PAX7: variants seen among roughly 807,000 people sequenced by gnomAD.
PAX7 encodes paired box protein Pax-7.
PAX7 carries 18 observed loss-of-function variants against 50.7 expected under a neutral mutation model. That is an observed-to-expected ratio of 0.36 (90% confidence interval 0.25 to 0.53). PAX7 has a LOEUF of 0.53. Ranked by LOEUF, PAX7 falls within the 20% of genes least tolerant of loss-of-function variation. The pLI is 0.93. For synonymous variants in PAX7, 310 were observed against 290.4 expected, an observed-to-expected ratio of 1.07 and a Z score of -0.69; for missense variants, 644 against 702.9, an observed-to-expected ratio of 0.92 and a Z score of 0.95.
intron 4 of PAX7, among the ~76,000 whole-genome samples, chr1:18,655,448 G>T (rs2088499186): frequency 6.6e-6 from 1 of 152,172 alleles, no homozygotes; most frequent in Admixed American, 6.5e-5. Flanking sequence ...TGGCAGGGAG[G>T]GGGCTGCAGG....
rs149079932 is a variant in PAX7 at position 18,634,627 on chromosome 1, G to A, written c.321+89G>A. Reference sequence around the variant, plus strand: ...CCCCTCTTACTACCTCGTGGCACCAGGCTGTAGGAAAGTACAGCTGGAGGG... The same window carrying A: ...CCCCTCTTACTACCTCGTGGCACCAAGCTGTAGGAAAGTACAGCTGGAGGG... On this transcript the variant is annotated intron_variant, in intron 2 of 8. Transcript: ENST00000420770. The surrounding 1 kb of genome is among the most constrained non-coding windows in gnomAD (Gnocchi z 4.0). The A allele has an allele frequency of 1.9e-6, 2 of 1,047,654 alleles. No homozygotes were observed. The highest frequency in any genetic ancestry group is 1.6e-5 in the African/African-American group (1 of 64,118). The allele number at this position is 1,047,654 out of a possible 1,614,324, so 64.9% of individuals were successfully genotyped here. A position where few individuals can be genotyped will look rare whatever the true frequency, so the allele number is the denominator to read the frequency against.
rs148115392 is a variant in PAX7, at chr1:18,748,134, G to C, written c.*3205G>C. 4.1e-5 allele frequency: 9 copies of C among 219,132 alleles called. No individual in the cohort carries two copies. Among genetic ancestry groups the C allele is most frequent in the African/African-American group, 2.0e-4 (9 of 44,724 alleles). The allele number at this position is 219,132 out of a possible 1,614,324, so 13.6% of individuals were successfully genotyped here. ...AGGGGGATAAGAGAGAAGAAAAGAA[G>C]AATGGAGAGAGAGGTTTGCCCAGAA... On this transcript the variant is annotated 3_prime_UTR_variant, in exon 9 of 9. Transcript: ENST00000420770.
intron 8 of PAX7, among the ~76,000 whole-genome samples, chr1:18,742,840 T>A (rs553629444): frequency 6.6e-6 from 1 of 152,356 alleles, no homozygotes; most frequent in Admixed American, 6.5e-5. Flanking sequence ...GCCAAGCCCC[T>A]TCATGCTCTG....
At chr1:18,643,968 T>C (rs2088300428) in intron 4 of PAX7, among the ~76,000 whole-genome samples, 1 of 152,206 alleles carries the variant, frequency 6.6e-6, no homozygotes, top group Admixed American at 6.5e-5. Flanking sequence ...ATTCAGAGCG[T>C]TGCTAAATTA....
At chr1:18,659,121 G>A (rs558351254) in intron 4 of PAX7, among the ~76,000 whole-genome samples, 3 of 152,342 alleles carry the variant, frequency 2.0e-5, no homozygotes, top group South Asian at 4.1e-4. Flanking sequence ...GTGTGTCTGT[G>A]TGTGTACTGC....
intron 7 of PAX7, among the ~76,000 whole-genome samples, chr1:18,716,847 C>G (rs1315125512): frequency 2.0e-5 from 2 of 100,402 alleles, no homozygotes; most frequent in Admixed American, 9.9e-5. Flanking sequence ...TGCGCGCCCC[C>G]CTTGCCCTTG....
At chr1:18,742,610 G>A (rs1218133949) in intron 8 of PAX7, among the ~76,000 whole-genome samples, 1 of 152,176 alleles carries the variant, frequency 6.6e-6, no homozygotes, top group Non-Finnish European at 1.5e-5. Context: ...CCAAGGCAGG[G>A]CCAGGCTGAC....
intron 7 of PAX7, among the ~76,000 whole-genome samples, chr1:18,707,733 G>T (rs1283811671): frequency 1.3e-5 from 2 of 152,128 alleles, no homozygotes; most frequent in African/African-American, 4.8e-5. Flanking sequence ...CCTAGAGCCT[G>T]AATCTTAGTT....
At chr1:18,741,343 G>C (rs1357401312) in intron 8 of PAX7, among the ~76,000 whole-genome samples, 1 of 152,046 alleles carries the variant, frequency 6.6e-6, no homozygotes, top group Non-Finnish European at 1.5e-5. Context: ...CCAGCTACTT[G>C]GGAGACTGAG....
chr1:18,734,150 C>T (rs898132681), intron 7 of PAX7, among the ~76,000 whole-genome samples: 1 of 152,178 alleles, frequency 6.6e-6, no homozygotes, highest in Non-Finnish European at 1.5e-5. Flanking sequence ...GGTGTCTAGT[C>T]GGCAAAACGA....
At chr1:18,683,269 T>C (rs1419984114) in intron 4 of PAX7, among the ~76,000 whole-genome samples, 1 of 152,210 alleles carries the variant, frequency 6.6e-6, no homozygotes, top group East Asian at 1.9e-4. Context: ...GCAATGAGAA[T>C]GCAGCTATGG....
intron 4 of PAX7, among the ~76,000 whole-genome samples, chr1:18,689,383 T>TG (rs1456476238): frequency 6.6e-6 from 1 of 151,870 alleles, no homozygotes. Flanking sequence ...CCACAGTGAC[T>TG]GGGGGGCTGG....
chr1:18,691,353 C>T lies in PAX7; in HGVS notation c.587-401C>T, dbSNP rs192363314. On this transcript the variant is annotated intron_variant, in intron 4 of 8. Transcript: ENST00000420770. ...AATTCTGTCCTTTTAACTGAGAATA[C>T]AGCTCTACGGATTTTGTCAAGTGTA... 2.4e-3 allele frequency among the ~76,000 whole-genome samples: 365 copies of T among 152,268 alleles called. 3 individuals carry two copies. In the South Asian group the frequency reaches 0.03, roughly 12 times the overall value.
chr1:18,718,626 G>A (rs1167457326), intron 7 of PAX7, among the ~76,000 whole-genome samples: 2 of 150,944 alleles, frequency 1.3e-5, no homozygotes, highest in African/African-American at 4.9e-5. Flanking sequence ...CACCCCAATG[G>A]TATCCACGCC....
chr1:18,685,090 C>G (rs1040055407), intron 4 of PAX7, among the ~76,000 whole-genome samples: 3 of 152,160 alleles, frequency 2.0e-5, no homozygotes, highest in African/African-American at 4.8e-5. Context: ...TTTTCCATCA[C>G]CCGGGAACTT....
At chr1:18,715,966 T>C (rs1480788379) in intron 7 of PAX7, among the ~76,000 whole-genome samples, 1 of 152,062 alleles carries the variant, frequency 6.6e-6, no homozygotes, top group Non-Finnish European at 1.5e-5. Context: ...CCATCAGCCT[T>C]TTCCATCCTG....
intron 4 of PAX7, among the ~76,000 whole-genome samples, chr1:18,653,134 G>A (rs558669001): frequency 6.6e-6 from 1 of 152,204 alleles, no homozygotes; most frequent in South Asian, 2.1e-4. Context: ...TCAGGGAAAG[G>A]GTTTCATCCT....
At position 18,708,767 on chromosome 1, in the gene PAX7, G is replaced by A. The variant is rs146503539; in HGVS notation, c.1155+5471G>A. Among the ~76,000 whole-genome samples the A allele has an allele frequency of 5.3e-3, 800 of 152,018 alleles. 11 individuals are homozygous for A. Among genetic ancestry groups the A allele is most frequent in the African/African-American group, 0.018 (742 of 41,450 alleles). On this transcript the variant is annotated intron_variant, in intron 7 of 8. Transcript: ENST00000420770. ...CCCTTCAGGGATCTCCAGTCTGGTG[G>A]GGAAGACACAGCCCCTGTCTTCAGG...
At chr1:18,688,365 C>T (rs2089006874) in intron 4 of PAX7, among the ~76,000 whole-genome samples, 1 of 152,198 alleles carries the variant, frequency 6.6e-6, no homozygotes, top group African/African-American at 2.4e-5. Context: ...GTGTTAATGA[C>T]TGTATCGGAT....
Sources: gnomAD v4.1 joint callset for allele counts (sites outside exome capture counted in the v4.1 genomes callset) on GRCh38, gnomAD v4.1.1 for gene constraint, Gnocchi (gnomAD v3.1) non-coding constraint, MANE v1.5 for transcripts, NCBI Gene and HGNC (gene_info 2026-07-23, HGNC 2026-07-21) for gene names.